NRXN1: variants seen among roughly 807,000 people sequenced by gnomAD.
NRXN1 encodes the protein neurexin 1.
Under a neutral mutation model 150.9 loss-of-function variants are expected in NRXN1, and 39 were observed. The observed-to-expected ratio is 0.26, with a 90% CI of 0.20 to 0.34. NRXN1 has a LOEUF of 0.34. Among genes scored for constraint, NRXN1 ranks in the 10% least tolerant of loss-of-function variants. The pLI, the probability that NRXN1 is intolerant of heterozygous loss-of-function variation, is 1.00. For synonymous variants in NRXN1, 924 were observed against 757.0 expected, an observed-to-expected ratio of 1.22 and a Z score of -3.62; for missense variants, 1,815 against 1,949.9, an observed-to-expected ratio of 0.93 and a Z score of 1.30.
chr2:50,015,944 C>T (rs1173497942), intron 21 of NRXN1, among the ~76,000 whole-genome samples: 1 of 152,034 alleles, frequency 6.6e-6, no homozygotes, highest in Admixed American at 6.6e-5. Flanking sequence ...CAGTATCCAT[C>T]AAAATACAGG....
chr2:50,105,833 C>A (rs1701560171), intron 18 of NRXN1, among the ~76,000 whole-genome samples: 1 of 151,936 alleles, frequency 6.6e-6, no homozygotes, highest in Admixed American at 6.6e-5. Context: ...AAAAAAGCCA[C>A]TGCATGGTAC....
chr2:50,033,706 GAAAAT>G (rs1432752007), intron 21 of NRXN1, among the ~76,000 whole-genome samples: 2 of 151,896 alleles, frequency 1.3e-5, no homozygotes, highest in Non-Finnish European at 2.9e-5. Flanking sequence ...CAGAATGAGA[GAAAAT>G]TTTTGCAAAC....
chr2:50,103,279 C>G (rs899561092), intron 18 of NRXN1, among the ~76,000 whole-genome samples: 1 of 152,046 alleles, frequency 6.6e-6, no homozygotes, highest in Non-Finnish European at 1.5e-5. Flanking sequence ...GTCTTGTTAA[C>G]TTATTTATCC....
At chr2:50,811,560 C>A (rs146254461) in intron 5 of NRXN1, among the ~76,000 whole-genome samples, 2 of 152,108 alleles carry the variant, frequency 1.3e-5, no homozygotes, top group Non-Finnish European at 2.9e-5. Context: ...TCAGTTGGCA[C>A]TCCAAAGCAC....
chr2:50,182,657 C>T (rs141388015), intron 18 of NRXN1, among the ~76,000 whole-genome samples: 117 of 152,130 alleles, frequency 7.7e-4, no homozygotes, highest in East Asian at 1.5e-3. Flanking sequence ...ATTCCTTCTT[C>T]GAGCTGTCGC....
At chr2:50,352,237 A>G (rs1405653828) in intron 17 of NRXN1, among the ~76,000 whole-genome samples, 1 of 152,172 alleles carries the variant, frequency 6.6e-6, no homozygotes, top group African/African-American at 2.4e-5. Context: ...GAGATGGAAG[A>G]GGAGAGTGAG....
intron 12 of NRXN1, among the ~76,000 whole-genome samples, chr2:50,525,813 G>C (rs1247224375): frequency 6.6e-6 from 1 of 152,160 alleles, no homozygotes; most frequent in East Asian, 1.9e-4. Context: ...TTCTTCCCGG[G>C]GGGGAAATGG....
intron 17 of NRXN1, among the ~76,000 whole-genome samples, chr2:50,359,205 A>T (rs1268574669): frequency 3.3e-5 from 5 of 151,752 alleles, no homozygotes; most frequent in Admixed American, 2.0e-4. Flanking sequence ...CTTCTCCTTC[A>T]AAGGACCACA....
intron 21 of NRXN1, among the ~76,000 whole-genome samples, chr2:50,040,204 G>A (rs1414198863): frequency 6.6e-6 from 1 of 151,792 alleles, no homozygotes; most frequent in African/African-American, 2.4e-5. Context: ...GGAATGGGGA[G>A]GAGCATAAAA....
chr2:50,144,638 G>C (rs1355830803), intron 18 of NRXN1, among the ~76,000 whole-genome samples: 1 of 151,746 alleles, frequency 6.6e-6, no homozygotes. Flanking sequence ...AATTATATAT[G>C]TATATATGTA....
chr2:50,589,460 G>A (rs1469647184), intron 8 of NRXN1: 1 of 150,812 alleles, frequency 6.6e-6, no homozygotes, highest in African/African-American at 2.4e-5. Context: ...GGGCTCAAGT[G>A]AGCCTCTCTC....
At chr2:50,072,904 T>C (rs1181005215) in intron 19 of NRXN1, among the ~76,000 whole-genome samples, 3 of 152,162 alleles carry the variant, frequency 2.0e-5, no homozygotes, top group African/African-American at 7.2e-5. Flanking sequence ...AGATCCCCTA[T>C]ATTTCCTAAG....
chr2:50,352,018 A>C (rs2153001719), intron 17 of NRXN1, among the ~76,000 whole-genome samples: 1 of 152,222 alleles, frequency 6.6e-6, no homozygotes, highest in Middle Eastern at 3.4e-3. Context: ...AACTCTTGGA[A>C]ACGGGGTTCA....
At position 50,654,077 on chromosome 2, in the gene NRXN1, C is replaced by A. The variant is rs538753640; in HGVS notation, c.833-30462G>T. ...TAAGTTTTAGGGTACATGTGTACAACGTGCAGGTTTGTTACATATGTATAC... is the reference window on the plus strand; with the variant it reads ...TAAGTTTTAGGGTACATGTGTACAAAGTGCAGGTTTGTTACATATGTATAC... On this transcript the variant is annotated intron_variant, in intron 5 of 22. Transcript: ENST00000401669. 2.0e-5 allele frequency among the ~76,000 whole-genome samples: 3 copies of A among 148,218 alleles called. No individual in the cohort carries two copies. The East Asian group carries it at 6.1e-4, about 30-fold the overall frequency.
At chr2:50,843,161 C>T (rs1649440146) in intron 5 of NRXN1, among the ~76,000 whole-genome samples, 2 of 152,056 alleles carry the variant, frequency 1.3e-5, no homozygotes, top group South Asian at 4.1e-4. Context: ...GGACAAGAAA[C>T]CTTAGTTCAT....
intron 17 of NRXN1, among the ~76,000 whole-genome samples, chr2:50,243,550 T>C (rs370630823): frequency 2.6e-5 from 4 of 151,902 alleles, no homozygotes; most frequent in Non-Finnish European, 5.9e-5. Flanking sequence ...TGGAATTTCA[T>C]GAAAGTGATA....
intron 17 of NRXN1, among the ~76,000 whole-genome samples, chr2:50,423,610 T>TAGAGA (rs2084178505): frequency 6.6e-6 from 1 of 152,084 alleles, no homozygotes; most frequent in African/African-American, 2.4e-5. Flanking sequence ...AAAATCTTTA[T>TAGAGA]TGATCCCCTA....
intron 2 of NRXN1, among the ~76,000 whole-genome samples, chr2:50,967,906 CTT>C (rs1439490340): frequency 4.6e-5 from 7 of 151,902 alleles, no homozygotes; most frequent in African/African-American, 9.7e-5. Flanking sequence ...TAAAAATAAA[CTT>C]AGCATGGCAA....
chr2:50,385,963 T>C (rs1290502624), intron 17 of NRXN1, among the ~76,000 whole-genome samples: 2 of 151,978 alleles, frequency 1.3e-5, no homozygotes, highest in Non-Finnish European at 2.9e-5. Flanking sequence ...TATATCAAAC[T>C]AAAATAGTGA....
Sources: allele counts gnomAD v4.1 joint callset (sites outside exome capture counted in the v4.1 genomes callset), GRCh38; gene constraint gnomAD v4.1.1; transcripts MANE v1.5; gene names NCBI Gene and HGNC (gene_info 2026-07-23, HGNC 2026-07-21).